The following HCN1 variants were observed in gnomAD, a reference collection of about 807,000 sequenced individuals.
The protein encoded by HCN1 is potassium/sodium hyperpolarization-activated cyclic nucleotide-gated channel 1.
In HCN1, 13 loss-of-function variants were observed where a neutral mutation model predicts 78.9. The ratio of observed to expected loss-of-function variants is 0.16; its 90% confidence interval spans 0.11 to 0.26. The LOEUF (loss-of-function observed/expected upper bound fraction) is 0.26, where lower values mean the gene tolerates loss of function less well. Ranked by LOEUF, HCN1 falls within the 10% of genes least tolerant of loss-of-function variation. The pLI, the probability that HCN1 is intolerant of heterozygous loss-of-function variation, is 1.00. For synonymous variants in HCN1, 552 were observed against 455.5 expected (o/e 1.21, Z -2.70); for missense variants, 810 against 1,154.3 (o/e 0.70, Z 4.32).
At chr5:45,598,404 T>C (rs199777483) in intron 2 of HCN1, among the ~76,000 whole-genome samples, 1 of 151,926 alleles carries the variant, frequency 6.6e-6, no homozygotes, top group African/African-American at 2.4e-5. Context: ...ACACCTTATA[T>C]AAAAATTAAT....
intron 3 of HCN1, among the ~76,000 whole-genome samples, chr5:45,437,781 G>T (rs1169567747): frequency 1.3e-5 from 2 of 152,168 alleles, no homozygotes; most frequent in African/African-American, 2.4e-5. Flanking sequence ...CAGTTTAAAA[G>T]AATACTTTAT....
chr5:45,370,688 TATAATGCC>T (rs1747335946), intron 4 of HCN1, among the ~76,000 whole-genome samples: 1 of 152,070 alleles, frequency 6.6e-6, no homozygotes. Context: ...TTTTCCAAAC[TATAATGCC>T]ATAAGGCCAC....
At chr5:45,500,859 C>T (rs1274270369) in intron 2 of HCN1, among the ~76,000 whole-genome samples, 1 of 152,118 alleles carries the variant, frequency 6.6e-6, no homozygotes, top group Non-Finnish European at 1.5e-5. Context: ...CATGTTAATT[C>T]TCAGCAAGGA....
intron 2 of HCN1, among the ~76,000 whole-genome samples, chr5:45,603,302 A>G (rs1308113769): frequency 6.6e-6 from 1 of 152,078 alleles, no homozygotes; most frequent in East Asian, 1.9e-4. Flanking sequence ...TGGATCGTAG[A>G]TGTTCTAATG....
chr5:45,502,418 G>T (rs966508837), intron 2 of HCN1, among the ~76,000 whole-genome samples: 2 of 151,858 alleles, frequency 1.3e-5, no homozygotes, highest in African/African-American at 4.8e-5. Flanking sequence ...ATGTAAAGAG[G>T]TTCAATATAC....
intron 4 of HCN1, among the ~76,000 whole-genome samples, chr5:45,362,015 T>C (rs1178091425): frequency 6.6e-6 from 1 of 152,144 alleles, no homozygotes; most frequent in African/African-American, 2.4e-5. Flanking sequence ...AAGGGTTAGA[T>C]GATTGGTAGA....
intron 3 of HCN1, among the ~76,000 whole-genome samples, chr5:45,400,852 C>T (rs574546676): frequency 6.6e-6 from 1 of 152,162 alleles, no homozygotes; most frequent in Non-Finnish European, 1.5e-5. Flanking sequence ...TATAATCACA[C>T]ACACATGCAC....
At chr5:45,394,320 T>C (rs1289330653) in intron 4 of HCN1, among the ~76,000 whole-genome samples, 1 of 152,066 alleles carries the variant, frequency 6.6e-6, no homozygotes, top group Admixed American at 6.6e-5. Context: ...GTGGACTACA[T>C]CTGAACCATA....
chr5:45,673,973 T>G (rs1055455246), intron 1 of HCN1, among the ~76,000 whole-genome samples: 5 of 151,642 alleles, frequency 3.3e-5, no homozygotes, highest in Non-Finnish European at 5.9e-5. Flanking sequence ...AAGTGAAATC[T>G]CTTGTGTAAT....
At chr5:45,344,578 A>G (rs1173089478) in intron 5 of HCN1, among the ~76,000 whole-genome samples, 2 of 152,194 alleles carry the variant, frequency 1.3e-5, no homozygotes, top group Non-Finnish European at 2.9e-5. Flanking sequence ...GCTATTCTAA[A>G]TGGGAGAAAT....
intron 1 of HCN1, among the ~76,000 whole-genome samples, chr5:45,664,471 A>T (rs1745992085): frequency 6.9e-6 from 1 of 145,734 alleles, no homozygotes; most frequent in African/African-American, 2.6e-5. Context: ...AATAAAAAAA[A>T]GAAAAAAAAA....
Position 45,372,015 on chromosome 5 carries a change from TAA to T in HCN1, c.1231-18771_1231-18770del, listed in dbSNP as rs1491171580. Among the ~76,000 whole-genome samples the T allele has an allele frequency of 1.2e-3, 94 of 77,744 alleles. 1 individual carries two copies. The highest frequency in any genetic ancestry group is 4.8e-3 in the African/African-American group (90 of 18,922). 51.0% of individuals were successfully genotyped at this position (77,744 alleles called of 152,430 possible). A position where few individuals can be genotyped will look rare whatever the true frequency, so the allele number is the denominator to read the frequency against. ...TGTAATATATATAGTATATATCATA[TAA>T]TATATATAATATAATTATATATATA... On this transcript the variant is annotated intron_variant, in intron 4 of 7. Transcript: ENST00000303230.
intron 2 of HCN1, among the ~76,000 whole-genome samples, chr5:45,567,784 A>C (rs1439295426): frequency 6.6e-6 from 1 of 152,018 alleles, no homozygotes; most frequent in East Asian, 1.9e-4. Flanking sequence ...TGGCCATTTT[A>C]ACTGTCCCTG....
chr5:45,658,223 A>G (rs1161966030), intron 1 of HCN1, among the ~76,000 whole-genome samples: 2 of 152,230 alleles, frequency 1.3e-5, no homozygotes, highest in East Asian at 3.8e-4. Flanking sequence ...CTTACACCTT[A>G]CACAAAAATT....
chr5:45,579,839 C>CA (rs1195372366), intron 2 of HCN1, among the ~76,000 whole-genome samples: 2 of 152,008 alleles, frequency 1.3e-5, no homozygotes, highest in African/African-American at 4.8e-5. Context: ...AGCAGTGCAA[C>CA]AATGGAATAG....
intron 1 of HCN1, among the ~76,000 whole-genome samples, chr5:45,666,910 G>T (rs1011885146): frequency 1.3e-5 from 2 of 151,818 alleles, no homozygotes; most frequent in Non-Finnish European, 2.9e-5. Context: ...AAGATATCCA[G>T]AAAAAATCAG....
chr5:45,504,140 G>A (rs1742245572), intron 2 of HCN1, among the ~76,000 whole-genome samples: 1 of 151,996 alleles, frequency 6.6e-6, no homozygotes, highest in East Asian at 1.9e-4. Flanking sequence ...TAGGGTACAT[G>A]TGCACAATGT....
chr5:45,542,491 G>GT (rs1243084018), intron 2 of HCN1, among the ~76,000 whole-genome samples: 3 of 150,986 alleles, frequency 2.0e-5, no homozygotes, highest in Non-Finnish European at 4.4e-5. Context: ...GAAAAGAAAA[G>GT]TTAAAAAAAA....
At chr5:45,468,528 CTA>C (rs1387771006) in intron 2 of HCN1, among the ~76,000 whole-genome samples, 1 of 151,964 alleles carries the variant, frequency 6.6e-6, no homozygotes, top group African/African-American at 2.4e-5. Context: ...CTCAGAATTT[CTA>C]TATATGTTTC....
Sources: allele counts gnomAD v4.1 joint callset (sites outside exome capture counted in the v4.1 genomes callset), GRCh38; gene constraint gnomAD v4.1.1; transcripts MANE v1.5; gene names NCBI Gene and HGNC (gene_info 2026-07-23, HGNC 2026-07-21).